PALLD: variants seen among roughly 807,000 people sequenced by gnomAD.
The protein encoded by PALLD is palladin.
A neutral mutation model predicts 123.5 loss-of-function variants in PALLD; 61 were observed. The observed-to-expected ratio is 0.49, with a 90% CI of 0.40 to 0.61. PALLD has a LOEUF of 0.61. PALLD is among the 20% of genes least tolerant of loss of function. The pLI is 0.00. For synonymous variants in PALLD, 465 were observed against 496.4 expected (o/e 0.94, Z 0.84); for missense variants, 1,273 against 1,377.0 (o/e 0.92, Z 1.20).
At chr4:168,908,112 T>C (rs1758187592) in intron 15 of PALLD, among the ~76,000 whole-genome samples, 1 of 152,230 alleles carries the variant, frequency 6.6e-6, no homozygotes, top group Non-Finnish European at 1.5e-5. Context: ...AGTAGTAGTA[T>C]TTGTTCCAAG....
intron 10 of PALLD, among the ~76,000 whole-genome samples, chr4:168,887,116 CAAA>C (rs755173931): frequency 4.2e-5 from 4 of 94,556 alleles, no homozygotes; most frequent in Admixed American, 2.4e-4. Context: ...GACTCTGTCT[CAAA>C]AAAAAAAAAA....
chr4:168,775,414 CTTA>C (rs1334992960), intron 10 of PALLD, among the ~76,000 whole-genome samples: 1 of 152,044 alleles, frequency 6.6e-6, no homozygotes, highest in Non-Finnish European at 1.5e-5. Context: ...TATCAAGTTT[CTTA>C]TTATAGTATT....
intron 3 of PALLD, among the ~76,000 whole-genome samples, chr4:168,672,288 A>C (rs988386277): frequency 6.6e-5 from 10 of 152,114 alleles, no homozygotes; most frequent in Non-Finnish European, 2.9e-5. Context: ...AGACCATATA[A>C]GGTATTATTG....
chr4:168,775,277 C>T (rs904539403), intron 10 of PALLD, among the ~76,000 whole-genome samples: 4 of 152,110 alleles, frequency 2.6e-5, no homozygotes, highest in Admixed American at 2.0e-4. Flanking sequence ...TTTTAATTTG[C>T]ACTTCCCTAA....
chr4:168,679,108 GT>G (rs1401690105), intron 3 of PALLD, among the ~76,000 whole-genome samples: 4 of 135,706 alleles, frequency 2.9e-5, no homozygotes, highest in Admixed American at 7.2e-5. Context: ...TTTATGGTGG[GT>G]GTGTGTGTGT....
intron 10 of PALLD, among the ~76,000 whole-genome samples, chr4:168,811,140 C>G (rs1009592505): frequency 1.3e-5 from 2 of 152,074 alleles, no homozygotes; most frequent in Admixed American, 1.3e-4. Flanking sequence ...AACTTTGCAC[C>G]CAAAAAACTA....
intron 10 of PALLD, among the ~76,000 whole-genome samples, chr4:168,885,775 G>A (rs945110280): frequency 1.2e-4 from 19 of 152,132 alleles, no homozygotes; most frequent in African/African-American, 4.6e-4. Flanking sequence ...AGCCTTCAAG[G>A]ATGAATGCAA....
At chr4:168,564,725 G>T (rs1385665041) in intron 2 of PALLD, among the ~76,000 whole-genome samples, 1 of 152,058 alleles carries the variant, frequency 6.6e-6, no homozygotes, top group Non-Finnish European at 1.5e-5. Context: ...ATTTCTCTGG[G>T]ATCTCAAGGA....
chr4:168,683,475 A>AT (rs1383686581), intron 5 of PALLD, among the ~76,000 whole-genome samples: 2 of 152,348 alleles, frequency 1.3e-5, no homozygotes, highest in East Asian at 3.9e-4. Flanking sequence ...ACAAGTCTGC[A>AT]TACCAACAAA....
chr4:168,542,708 T>G (rs1765741394), intron 2 of PALLD, among the ~76,000 whole-genome samples: 1 of 117,576 alleles, frequency 8.5e-6, no homozygotes. Context: ...TTCTCCCAGC[T>G]AACCTTTCCA....
intron 5 of PALLD, among the ~76,000 whole-genome samples, chr4:168,683,731 G>C (rs187613478): frequency 1.3e-5 from 2 of 152,162 alleles, no homozygotes; most frequent in Admixed American, 1.3e-4. Flanking sequence ...ATGGTTTAAT[G>C]AATATGTTCA....
At chr4:168,547,901 G>A (rs1766319428) in intron 2 of PALLD, among the ~76,000 whole-genome samples, 3 of 146,420 alleles carry the variant, frequency 2.0e-5, no homozygotes, top group Non-Finnish European at 4.5e-5. Flanking sequence ...AGCCGTGATC[G>A]TGCCACTGCA....
At chr4:168,572,606 T>C (rs1400426123) in intron 2 of PALLD, among the ~76,000 whole-genome samples, 3 of 151,984 alleles carry the variant, frequency 2.0e-5, no homozygotes, top group Non-Finnish European at 4.4e-5. Flanking sequence ...CTTCCCAATC[T>C]GTTCCTCATA....
intron 15 of PALLD, 80 bp from the exon 16 acceptor site, chr4:168,913,847 G>T: frequency 1.1e-6 from 1 of 932,754 alleles, no homozygotes; most frequent in Non-Finnish European, 1.8e-6. Flanking sequence ...GTCTTATAGA[G>T]AATAGGACAG....
At chr4:168,670,681 C>G (rs545898214) in intron 3 of PALLD, among the ~76,000 whole-genome samples, 1 of 143,268 alleles carries the variant, frequency 7.0e-6, no homozygotes, top group Non-Finnish European at 1.5e-5. Flanking sequence ...TGCAGTGAGC[C>G]GAGATTGCGC....
intron 2 of PALLD, among the ~76,000 whole-genome samples, chr4:168,588,332 A>G (rs1277185688): frequency 6.6e-6 from 1 of 152,114 alleles, no homozygotes; most frequent in Non-Finnish European, 1.5e-5. Context: ...ACCTTAAAGA[A>G]GATTTATTCA....
In PALLD at chr4:168,511,761, T is replaced by A; in HGVS notation, c.257T>A (p.Leu86Ter). The stretch of plus-strand genomic sequence containing the variant: ...CATCCTTCCCATAAGGAGACCAAAT[T>A]GGGTGAACACGCCTCGAGGAGACCT... ...CEHPSHKETK[L>*]GEHASRRPQD... The change falls in exon 2 of 22, where the codon TTG becomes TAG. Residue 86 changes from leucine to a stop codon, truncating the protein, a stop_gained. Coordinates refer to ENST00000505667, the MANE Select transcript of PALLD (RefSeq NM_001166108.2). LOFTEE classifies it high-confidence loss of function. 6.2e-7 allele frequency: 1 copy of A among 1,614,152 alleles called. No individual in the cohort carries two copies. The highest frequency in any genetic ancestry group is 8.5e-7 in the Non-Finnish European group (1 of 1,180,044).
chr4:168,786,770 A>G (rs1317419856), intron 10 of PALLD, among the ~76,000 whole-genome samples: 1 of 152,260 alleles, frequency 6.6e-6, no homozygotes, highest in Non-Finnish European at 1.5e-5. Context: ...ATATGCACAC[A>G]CATATACTGT....
chr4:168,893,435 C>T (rs897196588), intron 11 of PALLD, among the ~76,000 whole-genome samples: 8 of 152,102 alleles, frequency 5.3e-5, no homozygotes, highest in Non-Finnish European at 1.2e-4. Context: ...GTTTCACTTC[C>T]CGGTTTCAGC....
Sources: gnomAD v4.1 joint callset for allele counts (sites outside exome capture counted in the v4.1 genomes callset) on GRCh38, gnomAD v4.1.1 for gene constraint, MANE v1.5 for transcripts, NCBI Gene and HGNC (gene_info 2026-07-23, HGNC 2026-07-21) for gene names.